The following HNRNPK variants were observed in gnomAD, a reference collection of about 807,000 sequenced individuals.
The protein encoded by HNRNPK is heterogeneous nuclear ribonucleoprotein K, also known as dC-stretch binding protein.
In HNRNPK, 7 loss-of-function variants were observed where a neutral mutation model predicts 67.0. The ratio of observed to expected loss-of-function variants is 0.10; its 90% CI spans 0.06 to 0.20. The LOEUF is 0.20. Among genes scored for constraint, HNRNPK ranks in the 10% least tolerant of loss-of-function variants. The probability of loss-of-function intolerance (pLI) is 1.00; values close to 1 mark genes in which losing one functional copy is unlikely to be tolerated. For missense variants in HNRNPK, 264 were observed against 606.5 expected, an observed-to-expected ratio of 0.44 and a Z score of 5.93; for synonymous variants, 213 against 193.7, an observed-to-expected ratio of 1.10 and a Z score of -0.83.
At chr9:83,974,174 A>C (rs761680323) in intron 7 of HNRNPK, among the ~76,000 whole-genome samples, 2 of 152,134 alleles carry the variant, frequency 1.3e-5, no homozygotes, top group Non-Finnish European at 2.9e-5. Flanking sequence ...GAGTCTTAAA[A>C]TCCTAACTAA....
intron 16 of HNRNPK, 178 bp downstream of exon 16, chr9:83,969,984 C>T: frequency 1.5e-6 from 1 of 648,202 alleles, no homozygotes; most frequent in Non-Finnish European, 2.8e-6. Context: ...TATTGAATGT[C>T]TTCATTTTTA....
intron 12 of HNRNPK, 139 bp downstream of exon 12, chr9:83,971,533 A>T: frequency 2.4e-6 from 2 of 830,494 alleles, no homozygotes; most frequent in Non-Finnish European, 4.0e-6. Flanking sequence ...AGCAAATAAC[A>T]GAATTATTTA....
Position 83,970,920 on chromosome 9 carries a change from CAGAA to C in HNRNPK, c.1093-12_1093-9del, listed in dbSNP as rs754012600. On this transcript the variant is annotated splice_polypyrimidine_tract_variant and intron_variant, in intron 13 of 16. Transcript: ENST00000376263. ...ACCATATCCGGAGCCACCCTAAAAACAGAAAGAAAAAAATAGAAAATTACTTTGC... is the reference window on the plus strand; with the variant it reads ...ACCATATCCGGAGCCACCCTAAAAACAGAAAAAAATAGAAAATTACTTTGC... The C allele has an allele frequency of 6.8e-6, 11 of 1,611,930 alleles. No individual in the cohort carries two copies. The highest frequency in any genetic ancestry group is 2.2e-5 in the East Asian group (1 of 44,856).
intron 13 of HNRNPK, 42 bp from the exon 14 acceptor site, chr9:83,970,954 G>T (rs767301453): frequency 1.0e-5 from 16 of 1,585,840 alleles, no homozygotes; most frequent in East Asian, 2.2e-5. Context: ...CTTTGCCGTT[G>T]TAATTACTAC....
chr9:83,969,978 G>C (rs1564058002), intron 16 of HNRNPK, 184 bp downstream of exon 16: 7 of 648,488 alleles, frequency 1.1e-5, no homozygotes, highest in African/African-American at 1.8e-5. Flanking sequence ...GATTAGTATT[G>C]AATGTCTTCA....
At chr9:83,980,025 A>C (rs1957312104) in intron 1 of HNRNPK, 128 bp downstream of exon 1, 1 of 152,732 alleles carries the variant, frequency 6.5e-6, no homozygotes, top group Admixed American at 6.5e-5. Flanking sequence ...GGGAGGGGAC[A>C]CCGGGCAACG....
chr9:83,972,984 T>A lies in HNRNPK; in HGVS notation c.517-12A>T. 1 of 1,556,438 alleles carries A rather than the reference T, an allele frequency of 6.4e-7. No homozygotes were observed. The highest frequency in any genetic ancestry group is 2.0e-5 in the Admixed American group (1 of 50,774). The stretch of plus-strand genomic sequence containing the variant: ...GTGGTTTGAGTGTTCTGTAGTAAGA[T>A]CATAAAAAAAAATAATAATAATTAG... On this transcript the variant is annotated splice_polypyrimidine_tract_variant and intron_variant, in intron 9 of 16. Coordinates refer to ENST00000376263, the MANE Select transcript of HNRNPK (RefSeq NM_031263.4).
chr9:83,970,638 G>A (rs1010396279), intron 15 of HNRNPK, 99 bp downstream of exon 15: 20 of 839,758 alleles, frequency 2.4e-5, no homozygotes, highest in Non-Finnish European at 3.8e-5. Flanking sequence ...AATCCTAAAT[G>A]TGTATTTTTG....
At chr9:83,971,476 T>C in intron 12 of HNRNPK, 120 bp from the exon 13 acceptor site, 1 of 823,820 alleles carries the variant, frequency 1.2e-6, no homozygotes. Context: ...AGGCAGCAAT[T>C]TTGTAATCGA....
In HNRNPK at chr9:83,971,773, A is replaced by C. The variant is rs567217103; in HGVS notation, c.954-47T>G. 4 of 1,599,290 alleles carry C rather than the reference A, an allele frequency of 2.5e-6. No homozygotes were observed. The South Asian group carries it at 3.3e-5, about 13-fold the overall frequency. ...TAATCTAAACGTGCTTACATGCCACACATATCAAATCAAAGTCTACCTTGT... is the reference window on the plus strand; with the variant it reads ...TAATCTAAACGTGCTTACATGCCACCCATATCAAATCAAAGTCTACCTTGT... On this transcript the variant is annotated intron_variant, in intron 11 of 16. Coordinates refer to ENST00000376263, the MANE Select transcript of HNRNPK (RefSeq NM_031263.4).
chr9:83,973,169 T>C (rs1956930957), intron 9 of HNRNPK, 117 bp downstream of exon 9: 1 of 780,230 alleles, frequency 1.3e-6, no homozygotes, highest in South Asian at 1.6e-5. Flanking sequence ...TTTTGTCATT[T>C]GCGATAAGCA....
intron 7 of HNRNPK, among the ~76,000 whole-genome samples, 182 bp downstream of exon 7, chr9:83,974,335 G>GTT (rs545247947): frequency 2.3e-5 from 3 of 130,270 alleles, no homozygotes; most frequent in Admixed American, 7.6e-5. Context: ...TGGCCAGCCT[G>GTT]TTTTTTTTTT....
chr9:83,970,412 T>C, intron 15 of HNRNPK, 81 bp from the exon 16 acceptor site: 1 of 1,102,424 alleles, frequency 9.1e-7, no homozygotes, highest in Non-Finnish European at 1.3e-6. Context: ...CATGAAGTTA[T>C]TAATTTTATT....
chr9:83,970,542 TAAC>T (rs1956781032), intron 15 of HNRNPK, 192 bp downstream of exon 15: 5 of 640,292 alleles, frequency 7.8e-6, no homozygotes, highest in Non-Finnish European at 2.7e-6. Flanking sequence ...AAAACCTACT[TAAC>T]TACTTTTATT....
At chr9:83,978,336 A>G in intron 2 of HNRNPK, 37 bp downstream of exon 2, 4 of 1,366,362 alleles carry the variant, frequency 2.9e-6, no homozygotes, top group Non-Finnish European at 3.9e-6. Context: ...AGCTGTAAAA[A>G]AAAAAAAAAA....
intron 10 of HNRNPK, 61 bp from the exon 11 acceptor site, chr9:83,972,250 T>C: frequency 8.1e-7 from 1 of 1,230,914 alleles, no homozygotes; most frequent in Non-Finnish European, 1.1e-6. Context: ...TTCATACCAA[T>C]CCTTCTAACA....
At chr9:83,978,305 C>T in intron 2 of HNRNPK, 26 bp from the exon 3 acceptor site, 1 of 1,386,394 alleles carries the variant, frequency 7.2e-7, no homozygotes, top group Non-Finnish European at 9.7e-7. Flanking sequence ...GCAGCTAGTA[C>T]ATTTGGCTTA....
At chr9:83,970,006 G>C (rs1564058040) in intron 16 of HNRNPK, 156 bp downstream of exon 16, 5 of 660,598 alleles carry the variant, frequency 7.6e-6, no homozygotes, top group East Asian at 5.5e-5. Flanking sequence ...TAAGAAAGCA[G>C]AAGAAAAATT....
chr9:83,978,789 A>G (rs1365265457), intron 1 of HNRNPK, among the ~76,000 whole-genome samples: 3 of 152,210 alleles, frequency 2.0e-5, no homozygotes, highest in African/African-American at 7.2e-5. Context: ...AATGCATCTT[A>G]TTCACTGGGA....
Sources: gnomAD v4.1 joint callset for allele counts (sites outside exome capture counted in the v4.1 genomes callset) on GRCh38, gnomAD v4.1.1 for gene constraint, MANE v1.5 for transcripts, NCBI Gene and HGNC (gene_info 2026-07-23, HGNC 2026-07-21) for gene names.